CAMTA1: variants seen among roughly 807,000 people sequenced by gnomAD.
The protein encoded by CAMTA1 is calmodulin binding transcription activator 1.
In CAMTA1, 27 loss-of-function variants were observed where a neutral mutation model predicts 170.9. The ratio of observed to expected loss-of-function variants is 0.16; its 90% CI spans 0.12 to 0.22. The LOEUF (loss-of-function observed/expected upper bound fraction) is 0.22, where lower values mean the gene tolerates loss of function less well. CAMTA1 is among the 10% of genes least tolerant of loss of function. CAMTA1 has a pLI of 1.00. For synonymous variants in CAMTA1, 833 were observed against 891.5 expected (o/e 0.93, Z 1.17); for missense variants, 1,619 against 2,217.2 (o/e 0.73, Z 5.42).
At chr1:6,983,791 T>C (rs567144306) in intron 3 of CAMTA1, among the ~76,000 whole-genome samples, 1 of 146,224 alleles carries the variant, frequency 6.8e-6, no homozygotes, top group East Asian at 2.0e-4. Context: ...GATAGGTGGA[T>C]AGATGGTTGA....
At chr1:7,480,090 T>G (rs1309870735) in intron 6 of CAMTA1, among the ~76,000 whole-genome samples, 2 of 145,606 alleles carry the variant, frequency 1.4e-5, no homozygotes, top group Non-Finnish European at 3.0e-5. Context: ...TGTCCGTGTG[T>G]GTGCCTGTGT....
intron 6 of CAMTA1, among the ~76,000 whole-genome samples, chr1:7,523,941 G>A (rs533403415): frequency 6.6e-6 from 1 of 151,988 alleles, no homozygotes; most frequent in East Asian, 1.9e-4. Flanking sequence ...AGTGGCTCAT[G>A]CCTGTAATCC....
intron 3 of CAMTA1, among the ~76,000 whole-genome samples, chr1:6,998,609 G>A (rs1029623169): frequency 7.2e-5 from 11 of 152,192 alleles, no homozygotes; most frequent in East Asian, 1.9e-4. Context: ...CCATAGCACC[G>A]TCTGGTGCAC....
At chr1:7,270,703 G>A (rs1181040858) in intron 5 of CAMTA1, among the ~76,000 whole-genome samples, 1 of 152,074 alleles carries the variant, frequency 6.6e-6, no homozygotes, top group Non-Finnish European at 1.5e-5. Context: ...AAATATGGCT[G>A]GACACAGTTA....
At position 7,299,199 on chromosome 1, in the gene CAMTA1, G is replaced by C. The variant is rs1170114389; in HGVS notation, c.438+49573G>C. ...TGCCTAGTGCTTCCTTCGTTTTCATGGATTCTTTATTAAGCAGATATTACT... is the reference window on the plus strand; with the variant it reads ...TGCCTAGTGCTTCCTTCGTTTTCATCGATTCTTTATTAAGCAGATATTACT... On this transcript the variant is annotated intron_variant, in intron 5 of 22. Transcript: ENST00000303635. This position sits in a 1 kb window ranked among gnomAD's most constrained non-coding sequence, Gnocchi z 4.7. Among the ~76,000 whole-genome samples, 1 of 152,106 alleles carries C rather than the reference G, an allele frequency of 6.6e-6. No homozygotes were observed. The highest frequency in any genetic ancestry group is 2.4e-5 in the African/African-American group (1 of 41,404).
Position 7,338,614 on chromosome 1 carries a change from G to A in CAMTA1, c.438+88988G>A, listed in dbSNP as rs117819824. On this transcript the variant is annotated intron_variant, in intron 5 of 22. Coordinates refer to ENST00000303635, the MANE Select transcript of CAMTA1 (RefSeq NM_015215.4). ...CCCTCATGGAGTGCACATGGGAAAGGCATTCAGTCAAGAACTGAAACATCA... is the reference window on the plus strand; with the variant it reads ...CCCTCATGGAGTGCACATGGGAAAGACATTCAGTCAAGAACTGAAACATCA... Among the ~76,000 whole-genome samples the A allele has an allele frequency of 8.5e-4, 130 of 152,294 alleles. 2 individuals carry two copies. In the East Asian group the frequency reaches 0.023, roughly 27 times the overall value.
chr1:7,686,144 C>A (rs1373429520), intron 11 of CAMTA1, among the ~76,000 whole-genome samples: 1 of 152,190 alleles, frequency 6.6e-6, no homozygotes, highest in Non-Finnish European at 1.5e-5. Flanking sequence ...CTGCTGGGTG[C>A]CAGGCACTGT....
At chr1:7,519,319 A>G (rs2094329168) in intron 6 of CAMTA1, among the ~76,000 whole-genome samples, 1 of 151,952 alleles carries the variant, frequency 6.6e-6, no homozygotes, top group Admixed American at 6.5e-5. Context: ...AGTCTTAGCC[A>G]GACCTGGAGG....
chr1:7,376,403 CTG>C (rs2086847251), intron 5 of CAMTA1, among the ~76,000 whole-genome samples: 2 of 152,332 alleles, frequency 1.3e-5, no homozygotes, highest in South Asian at 4.1e-4. Flanking sequence ...CGCGAGGAGA[CTG>C]TACCTGCCAC....
chr1:7,031,574 C>A (rs540048882), intron 3 of CAMTA1, among the ~76,000 whole-genome samples: 6 of 152,334 alleles, frequency 3.9e-5, no homozygotes, highest in Admixed American at 3.3e-4. Flanking sequence ...GACTCTCACT[C>A]TGTCACCCAG....
intron 5 of CAMTA1, among the ~76,000 whole-genome samples, chr1:7,369,820 A>C (rs149932560): frequency 6.6e-6 from 1 of 152,304 alleles, no homozygotes; most frequent in East Asian, 1.9e-4. Flanking sequence ...CCAAAGCTCC[A>C]AAGACACTCT....
At chr1:6,798,428 G>T (rs1643078710) in intron 1 of CAMTA1, among the ~76,000 whole-genome samples, 1 of 152,060 alleles carries the variant, frequency 6.6e-6, no homozygotes, top group African/African-American at 2.4e-5. Flanking sequence ...GGTAGCATCA[G>T]AATTATTTAT....
intron 3 of CAMTA1, among the ~76,000 whole-genome samples, chr1:6,905,162 T>C (rs970177891): frequency 4.6e-5 from 7 of 151,540 alleles, no homozygotes; most frequent in African/African-American, 1.5e-4. Flanking sequence ...GTCCCTGAAC[T>C]ATTCCTGGGT....
At chr1:7,404,625 C>CA (rs1422061191) in intron 5 of CAMTA1, among the ~76,000 whole-genome samples, 4 of 152,170 alleles carry the variant, frequency 2.6e-5, no homozygotes, top group African/African-American at 9.6e-5. Context: ...GCTTGAGCTG[C>CA]AGGCCCACGT....
At chr1:7,213,490 A>G (rs1209747333) in intron 4 of CAMTA1, among the ~76,000 whole-genome samples, 5 of 152,014 alleles carry the variant, frequency 3.3e-5, no homozygotes, top group Non-Finnish European at 2.9e-5. Flanking sequence ...GGGGTTCTTT[A>G]TATATCTTAA....
chr1:7,700,653 G>A (rs1320360522), intron 11 of CAMTA1: 1 of 152,226 alleles, frequency 6.6e-6, no homozygotes, highest in African/African-American at 2.4e-5. Flanking sequence ...ACAATTGCCA[G>A]GGCCGGGGGA....
chr1:6,990,607 C>G (rs1696193018), intron 3 of CAMTA1, among the ~76,000 whole-genome samples: 1 of 152,052 alleles, frequency 6.6e-6, no homozygotes, highest in Non-Finnish European at 1.5e-5. Flanking sequence ...CCCATGTAAC[C>G]CAAACTTCTA....
At chr1:7,171,231 C>T (rs1330548017) in intron 4 of CAMTA1, among the ~76,000 whole-genome samples, 1 of 152,160 alleles carries the variant, frequency 6.6e-6, no homozygotes, top group Non-Finnish European at 1.5e-5. Flanking sequence ...AGGTTGGACC[C>T]ACATCTATCA....
intron 11 of CAMTA1, among the ~76,000 whole-genome samples, chr1:7,714,047 C>G (rs1253712035): frequency 6.6e-6 from 1 of 152,158 alleles, no homozygotes; most frequent in East Asian, 1.9e-4. Flanking sequence ...GGCAGCTACT[C>G]TCTTTCCACC....
Sources: gnomAD v4.1 joint callset for allele counts (sites outside exome capture counted in the v4.1 genomes callset) on GRCh38, gnomAD v4.1.1 for gene constraint, Gnocchi (gnomAD v3.1) non-coding constraint, MANE v1.5 for transcripts, NCBI Gene and HGNC (gene_info 2026-07-23, HGNC 2026-07-21) for gene names.